Variants in ZNF844 observed in about 807,000 individuals in gnomAD.
ZNF844 encodes zinc finger protein 844.
A neutral mutation model predicts 11.4 loss-of-function variants in ZNF844; 11 were observed. The ratio of observed to expected loss-of-function variants is 0.97; its 90% CI spans 0.61 to 1.60. The LOEUF is 1.60. Ranked by LOEUF, ZNF844 falls within the 40% of genes most tolerant of loss-of-function variation. The pLI is 0.00. For missense variants in ZNF844, 790 were observed against 796.8 expected (o/e 0.99, Z 0.10); for synonymous variants, 248 against 260.3 (o/e 0.95, Z 0.46).
rs1296465669 is a variant in ZNF844, at chr19:12,077,712, C to T, written c.*591C>T. 11 of 445,318 alleles carry T rather than the reference C, an allele frequency of 2.5e-5. No individual in the cohort carries two copies. The highest frequency in any genetic ancestry group is 4.0e-5 in the Non-Finnish European group (9 of 225,176). The allele number at this position is 445,318 out of a possible 1,614,324, so 27.6% of individuals were successfully genotyped here. A position where few individuals can be genotyped will look rare whatever the true frequency, so the allele number is the denominator to read the frequency against. ...TGAAAGGACTCACACTGTAGAGCAACCCTATGAATATAAGCAATATGGGAA... is the reference window on the plus strand; with the variant it reads ...TGAAAGGACTCACACTGTAGAGCAATCCTATGAATATAAGCAATATGGGAA... On this transcript the variant is annotated 3_prime_UTR_variant, in exon 4 of 4. Coordinates refer to ENST00000439326, the MANE Select transcript of ZNF844 (RefSeq NM_001136501.3).
chr19:12,075,470 C>T lies in ZNF844; in HGVS notation c.350C>T (p.Ser117Phe). The T allele has an allele frequency of 6.2e-7, 1 of 1,612,858 alleles. No homozygotes were observed. The highest frequency in any genetic ancestry group is 1.1e-5 in the South Asian group (1 of 90,756). The change falls in exon 4 of 4, where the codon TCC becomes TTC. Residue 117 changes from serine to phenylalanine, a missense_variant. By Grantham distance (155) the Ser-to-Phe change is radical. Around this residue, in one of 3 missense-constraint regions of ZNF844, gnomAD observed 129 missense variants for 144.0 expected, o/e 0.90. Coordinates refer to ENST00000439326, the MANE Select transcript of ZNF844 (RefSeq NM_001136501.3). Reference protein sequence around the residue: ...VCGEVFVGHSSLNRHIRADTA... With the variant: ...VCGEVFVGHSFLNRHIRADTA... ...GGAGAAGTCTTCGTGGGTCATTCTT[C>T]CCTTAATAGGCACATTAGAGCTGAC...
chr19:12,074,183 C>T, intron 2 of ZNF844, 26 bp downstream of exon 2: 1 of 1,612,354 alleles, frequency 6.2e-7, no homozygotes, highest in Non-Finnish European at 8.5e-7. Context: ...TTACGTCCCC[C>T]AGTGAATGAG....
Position 12,076,697 on chromosome 19 carries a change from C to A in ZNF844, c.1577C>A (p.Thr526Lys). 2 of 1,613,850 alleles carry A rather than the reference C, an allele frequency of 1.2e-6. No individual in the cohort carries two copies. Among genetic ancestry groups the A allele is most frequent in the Non-Finnish European group, 1.7e-6 (2 of 1,179,954 alleles). Residue 526 changes from threonine to lysine, a missense_variant, in exon 4 of 4, where the codon ACA (threonine) becomes AAA (lysine). Transcript: ENST00000439326. ...PHTFKCMKGLTLESNCMNLNN... is the reference protein window; with the variant it reads ...PHTFKCMKGLKLESNCMNLNN... ...ACCTTCAAATGCATGAAAGGACTCACACTGGAAAGCAACTGTATGAATCTA... is the reference window on the plus strand; with the variant it reads ...ACCTTCAAATGCATGAAAGGACTCAAACTGGAAAGCAACTGTATGAATCTA...
chr19:12,064,944 G>A (rs1044386022), intron 1 of ZNF844, 68 bp downstream of exon 1: 8 of 1,520,080 alleles, frequency 5.3e-6, no homozygotes, highest in African/African-American at 1.4e-5. Flanking sequence ...GTTGGAACTG[G>A]CTGGAACCGG....
intron 1 of ZNF844, 28 bp from the exon 2 acceptor site, chr19:12,074,003 C>T (rs778474548): frequency 6.2e-6 from 10 of 1,603,982 alleles, no homozygotes; most frequent in South Asian, 1.1e-5. Context: ...TCTCACCCAT[C>T]CTCCTCTATA....
At chr19:12,070,115 AGAC>A (rs1568358335) in intron 1 of ZNF844, 4 of 150,486 alleles carry the variant, frequency 2.7e-5, no homozygotes, top group African/African-American at 4.9e-5. Context: ...AAAAAAAAAA[AGAC>A]AAAAATAAAA....
Position 12,076,143 on chromosome 19 carries a change from A to G in ZNF844, c.1023A>G (p.Gln341=), listed in dbSNP as rs1975812472. 1 of 1,575,580 alleles carries G rather than the reference A, an allele frequency of 6.3e-7. No individual in the cohort carries two copies. The highest frequency in any genetic ancestry group is 8.6e-7 in the Non-Finnish European group (1 of 1,159,732). The part of the protein sequence containing the change: ...HSGKKPCECK[Q]CGKALSYLNF... Reference sequence around the variant, plus strand: ...GGAAAAAGCCCTGTGAATGTAAACAATGTGGGAAAGCATTATCTTATCTTA... The same window carrying G: ...GGAAAAAGCCCTGTGAATGTAAACAGTGTGGGAAAGCATTATCTTATCTTA... The change falls in exon 4 of 4, where the codon CAA becomes CAG. Residue 341 remains glutamine (Q), a synonymous_variant. Coordinates refer to ENST00000439326, the MANE Select transcript of ZNF844 (RefSeq NM_001136501.3).
Position 12,080,346 on chromosome 19 carries a change from CAAAAAAAAAAA to C in ZNF844, c.*3235_*3245del. 2 of 169,270 alleles carry C rather than the reference CAAAAAAAAAAA, an allele frequency of 1.2e-5. No individual in the cohort carries two copies. Among genetic ancestry groups the C allele is most frequent in the Non-Finnish European group, 1.1e-5 (1 of 92,048 alleles). The allele number at this position is 169,270 out of a possible 1,614,324, so 10.5% of individuals were successfully genotyped here. On this transcript the variant is annotated 3_prime_UTR_variant, in exon 4 of 4. Coordinates refer to ENST00000439326, the MANE Select transcript of ZNF844 (RefSeq NM_001136501.3). ...GCGGCGACAGAGCAAGACTCCGTCT[CAAAAAAAAAAA>C]AAAAAAAAAGAGAAGTCTGACAGGA...
chr19:12,080,956 T>C lies in ZNF844; in HGVS notation c.*3835T>C, dbSNP rs1240051391. 1 of 152,226 alleles carries C rather than the reference T, an allele frequency of 6.6e-6. No individual in the cohort carries two copies. The highest frequency in any genetic ancestry group is 1.5e-5 in the Non-Finnish European group (1 of 68,108). 9.4% of individuals were successfully genotyped at this position (152,226 alleles called of 1,614,324 possible). ...TTTTAGTAGAGATGGGGTTTCACCA[T>C]GTTGAGCAAGCTGGTCTTAAACTCC... On this transcript the variant is annotated 3_prime_UTR_variant, in exon 4 of 4. Coordinates refer to ENST00000439326, the MANE Select transcript of ZNF844 (RefSeq NM_001136501.3).
rs747642498 is a variant in ZNF844, at chr19:12,075,874, C to G, written c.754C>G (p.Pro252Ala). The G allele has an allele frequency of 1.2e-6, 2 of 1,611,366 alleles. No homozygotes were observed. The highest frequency in any genetic ancestry group is 8.5e-7 in the Non-Finnish European group (1 of 1,178,810). ...IHERTHTGEK[P>A]YECKECGKAF... ...TGAAAGAACTCACACTGGAGAGAAG[C>G]CTTATGAATGTAAGGAATGTGGGAA... The change falls in exon 4 of 4, where the codon CCT (proline) becomes GCT (alanine). Residue 252 changes from proline to alanine, a missense_variant. By Grantham distance (27) the Pro-to-Ala change is conservative. This residue lies in a region of ZNF844 where 657 missense variants were observed against 636.2 expected (regional missense o/e 1.03). Transcript: ENST00000439326.
rs1354973649 is a variant in ZNF844 at position 12,076,290 on chromosome 19, C to T, written c.1170C>T (p.Asn390=). 1.2e-6 allele frequency: 2 copies of T among 1,613,788 alleles called. No homozygotes were observed. The highest frequency in any genetic ancestry group is 8.5e-7 in the Non-Finnish European group (1 of 1,179,908). ...TGAAAGAACTCACACTGGAGAGAAACCTTATGAATGCAAGCACTGTGGTAA... is the reference window on the plus strand; with the variant it reads ...TGAAAGAACTCACACTGGAGAGAAATCTTATGAATGCAAGCACTGTGGTAA... ...EDMKELTLER[N]LMNASTVVKP... is the part of the protein sequence containing the mutation. Residue 390 remains asparagine, a synonymous_variant, in exon 4 of 4, where the codon AAC becomes AAT. Transcript: ENST00000439326.
Position 12,074,074 on chromosome 19 carries a change from A to AG in ZNF844, c.49dup (p.Glu17GlyfsTer37). 4.3e-6 allele frequency: 7 copies of AG among 1,613,752 alleles called. No individual in the cohort carries two copies. Among genetic ancestry groups the AG allele is most frequent in the Non-Finnish European group, 5.9e-6 (7 of 1,179,768 alleles). ...GATGTGGCTGTGAACTTCACCCAGG[A>AG]GGAGTGGTCTTTGCTGGATCCTTCC... is the stretch of plus-strand genomic sequence containing the variant. On this transcript the variant is annotated frameshift_variant, in exon 2 of 4. Coordinates refer to ENST00000439326, the MANE Select transcript of ZNF844 (RefSeq NM_001136501.3). LOFTEE classifies it high-confidence loss of function.
At position 12,079,363 on chromosome 19, in the gene ZNF844, T is replaced by C. The variant is rs1388077521; in HGVS notation, c.*2242T>C. On this transcript the variant is annotated 3_prime_UTR_variant, in exon 4 of 4. Coordinates refer to ENST00000439326, the MANE Select transcript of ZNF844 (RefSeq NM_001136501.3). ...CTATTAATATATGAGAGAAATCCTA[T>C]TATAAGAAATTGATTGCTGTGCACG... is the stretch of plus-strand genomic sequence containing the variant. The C allele has an allele frequency of 6.6e-6, 1 of 152,056 alleles. No individual in the cohort carries two copies. The highest frequency in any genetic ancestry group is 2.4e-5 in the African/African-American group (1 of 41,398). The allele number at this position is 152,056 out of a possible 1,614,324, so 9.4% of individuals were successfully genotyped here.
intron 1 of ZNF844, among the ~76,000 whole-genome samples, chr19:12,068,201 T>C (rs1361127666): frequency 1.3e-5 from 2 of 151,958 alleles, no homozygotes; most frequent in East Asian, 3.9e-4. Context: ...ACCCAGCCAC[T>C]TGGGAGGCTG....
intron 1 of ZNF844, among the ~76,000 whole-genome samples, chr19:12,065,662 G>GTC (rs1219584575): frequency 1.4e-5 from 2 of 147,248 alleles, no homozygotes; most frequent in African/African-American, 5.1e-5. Context: ...TTAAGACAGA[G>GTC]TCTCGCTCTT....
intron 1 of ZNF844, among the ~76,000 whole-genome samples, chr19:12,069,178 C>CGTTTTTTTTTTTTT (rs760998604): frequency 7.3e-6 from 1 of 137,478 alleles, no homozygotes; most frequent in African/African-American, 3.0e-5. Flanking sequence ...TTCTTTTATT[C>CGTTTTTTTTTTTTT]CTTTTTTTTT....
rs550899711 is a variant in ZNF844 at position 12,074,346 on chromosome 19, G to T, written c.131-15G>T. The T allele has an allele frequency of 3.3e-6, 5 of 1,515,036 alleles. No homozygotes were observed. The African/African-American group carries it at 7.1e-5, about 21-fold the overall frequency. The allele number at this position is 1,515,036 out of a possible 1,614,324, so 93.8% of individuals were successfully genotyped here. On this transcript the variant is annotated splice_polypyrimidine_tract_variant and intron_variant, in intron 2 of 3. Transcript: ENST00000439326. The stretch of plus-strand genomic sequence containing the variant: ...TATTTTAATTCAGGATTCTTTTTCT[G>T]ATTCTGTATTTTAGGAGAAAAATGG...
At chr19:12,068,766 C>G (rs974916004) in intron 1 of ZNF844, among the ~76,000 whole-genome samples, 2 of 152,116 alleles carry the variant, frequency 1.3e-5, no homozygotes, top group Admixed American at 1.3e-4. Context: ...AATGCAAATG[C>G]CTTATAATTT....
chr19:12,075,959 C>T lies in ZNF844; in HGVS notation c.839C>T (p.Pro280Leu), dbSNP rs1284255684. ...AGAAGAACTCACACTGGAGAGAAGC[C>T]ATATGAATGCAAACAATGTGGAAAA... Reference protein sequence around the residue: ...EHRRTHTGEKPYECKQCGKAF... With the variant: ...EHRRTHTGEKLYECKQCGKAF... The change falls in exon 4 of 4, where the codon CCA (proline) becomes CTA (leucine). Residue 280 changes from proline to leucine, a missense_variant. This residue lies in a region of ZNF844 where 657 missense variants were observed against 636.2 expected (regional missense o/e 1.03). Transcript: ENST00000439326. The T allele has an allele frequency of 1.3e-6, 2 of 1,595,566 alleles. No individual in the cohort carries two copies. Among genetic ancestry groups the T allele is most frequent in the East Asian group, 4.6e-5 (2 of 43,938 alleles).
Sources: gnomAD v4.1 joint callset for allele counts (sites outside exome capture counted in the v4.1 genomes callset) on GRCh38, gnomAD v4.1.1 for gene constraint, gnomAD v4.1.1 regional missense constraint, MANE v1.5 for transcripts, NCBI Gene and HGNC (gene_info 2026-07-23, HGNC 2026-07-21) for gene names.